The following CELF2 variants were observed in gnomAD, a reference collection of about 807,000 sequenced individuals.
CELF2 encodes CUGBP Elav-like family member 2.
CELF2 carries 8 observed loss-of-function variants against 62.6 expected under a neutral mutation model. The ratio of observed to expected loss-of-function variants is 0.13; its 90% CI spans 0.07 to 0.23. The LOEUF is 0.23. CELF2 is among the 10% of genes least tolerant of loss of function. The probability of loss-of-function intolerance (pLI) is 1.00; values close to 1 mark genes in which losing one functional copy is unlikely to be tolerated. For synonymous variants in CELF2, 258 were observed against 250.0 expected (o/e 1.03, Z -0.30); for missense variants, 333 against 671.0 (o/e 0.50, Z 5.56).
At chr10:10,752,046 T>C in the CELF2 span, among the ~76,000 whole-genome samples, 1 of 152,132 alleles carries the variant, frequency 6.6e-6, no homozygotes, top group Admixed American at 6.5e-5. Flanking sequence ...GAAGGGGAAG[T>C]TTTACCTAAT....
chr10:11,114,528 G>A (rs1054839329), intron 1 of CELF2, among the ~76,000 whole-genome samples: 3 of 152,076 alleles, frequency 2.0e-5, no homozygotes, highest in Non-Finnish European at 4.4e-5. Flanking sequence ...CACTCTCGTC[G>A]AGTCATAAAT....
rs1243145916 is a variant in CELF2, at chr10:11,296,486, C to T, written c.976+7934C>T. Reference sequence around the variant, plus strand: ...TATCACCACTAGCACTGGTGAAAAGCATGTGTTGCTTAATTGTGTTATATT... The same window carrying T: ...TATCACCACTAGCACTGGTGAAAAGTATGTGTTGCTTAATTGTGTTATATT... On this transcript the variant is annotated intron_variant, in intron 9 of 12. Coordinates refer to ENST00000633077, the MANE Select transcript of CELF2 (RefSeq NM_001326342.2). The surrounding 1 kb of genome is among the most constrained non-coding windows in gnomAD (Gnocchi z 5.0). 6.6e-6 allele frequency among the ~76,000 whole-genome samples: 1 copy of T among 152,132 alleles called. No homozygotes were observed. The highest frequency in any genetic ancestry group is 1.5e-5 in the Non-Finnish European group (1 of 68,040).
chr10:10,589,836 G>T, the CELF2 span, among the ~76,000 whole-genome samples: 2 of 152,304 alleles, frequency 1.3e-5, no homozygotes, highest in Admixed American at 1.3e-4. Context: ...CTGACTCTGA[G>T]GTTTATAATC....
the CELF2 span, among the ~76,000 whole-genome samples, chr10:10,539,240 A>G: frequency 1.3e-5 from 2 of 152,264 alleles, no homozygotes; most frequent in Non-Finnish European, 2.9e-5. Context: ...GTAGCAATAC[A>G]TATTCTATGG....
rs541815394 is a variant in CELF2 at position 10,931,746 on chromosome 10, T to C, written c.89+11747T>C. Among the ~76,000 whole-genome samples the C allele has an allele frequency of 1.8e-4, 27 of 152,312 alleles. No homozygotes were observed. Among genetic ancestry groups the C allele is most frequent in the Admixed American group, 7.8e-4 (12 of 15,304 alleles). Reference sequence around the variant, plus strand: ...AACCTTAAAATGAATCTCTTGATAATAGCAATGCATTAGTCTTTTCTCACG... The same window carrying C: ...AACCTTAAAATGAATCTCTTGATAACAGCAATGCATTAGTCTTTTCTCACG... On this transcript the variant is annotated intron_variant, in intron 2 of 13. Transcript: ENST00000636488. The surrounding 1 kb of genome is among the most constrained non-coding windows in gnomAD (Gnocchi z 6.1).
At chr10:10,945,394 C>G (rs1308025398) in intron 2 of CELF2, among the ~76,000 whole-genome samples, 1 of 152,196 alleles carries the variant, frequency 6.6e-6, no homozygotes, top group Admixed American at 6.5e-5. Context: ...CCTATAGGCA[C>G]CATAGCATTT....
chr10:10,924,885 C>CA (rs753272537), intron 2 of CELF2: 6 of 152,154 alleles, frequency 3.9e-5, no homozygotes, highest in Non-Finnish European at 8.8e-5. Flanking sequence ...GTGTGACTGT[C>CA]AGAGACAAAA....
chr10:11,004,597 C>T (rs779519634), upstream of CELF2, among the ~76,000 whole-genome samples: 7 of 152,126 alleles, frequency 4.6e-5, no homozygotes, highest in Non-Finnish European at 7.4e-5. The surrounding 1 kb of genome is among the most constrained non-coding windows in gnomAD (Gnocchi z 5.0). Flanking sequence ...TGGTCTTTTG[C>T]AGATGATGCT....
chr10:10,651,001 C>T, the CELF2 span, among the ~76,000 whole-genome samples: 1 of 151,786 alleles, frequency 6.6e-6, no homozygotes, highest in Non-Finnish European at 1.5e-5. Flanking sequence ...TGGGCGCAGG[C>T]CAGTGGGTGC....
chr10:11,082,078 C>T (rs1833797358), intron 1 of CELF2, among the ~76,000 whole-genome samples: 1 of 152,132 alleles, frequency 6.6e-6, no homozygotes, highest in Non-Finnish European at 1.5e-5. Flanking sequence ...GGCTGCATCC[C>T]TTGCTTCTGT....
At chr10:10,700,484 C>G in the CELF2 span, among the ~76,000 whole-genome samples, 1 of 152,200 alleles carries the variant, frequency 6.6e-6, no homozygotes, top group Non-Finnish European at 1.5e-5. Context: ...TCTCTTCCTG[C>G]TTGCAGCATA....
At chr10:10,944,508 C>T (rs2047426089) in intron 2 of CELF2, among the ~76,000 whole-genome samples, 1 of 152,140 alleles carries the variant, frequency 6.6e-6, no homozygotes, top group Admixed American at 6.5e-5. Context: ...AACTTCATTT[C>T]ATTTAAGAAG....
chr10:11,264,281 T>A (rs528890684), intron 5 of CELF2, among the ~76,000 whole-genome samples: 3 of 152,378 alleles, frequency 2.0e-5, no homozygotes, highest in Admixed American at 6.5e-5. Context: ...ACTAAGTTAC[T>A]TTAAAAAGTT....
chr10:10,801,359 T>A (rs911714887), intron 1 of CELF2, among the ~76,000 whole-genome samples: 2 of 152,252 alleles, frequency 1.3e-5, no homozygotes, highest in Non-Finnish European at 2.9e-5. Context: ...ATTCCTTAAT[T>A]GTTTACAACA....
the CELF2 span, among the ~76,000 whole-genome samples, chr10:10,485,738 G>T: frequency 6.6e-6 from 1 of 152,162 alleles, no homozygotes; most frequent in Admixed American, 6.5e-5. Context: ...TCCTGGGAGG[G>T]TTGCAGTGAT....
At chr10:10,921,586 A>G (rs1292218144) in intron 2 of CELF2, among the ~76,000 whole-genome samples, 2 of 151,462 alleles carry the variant, frequency 1.3e-5, no homozygotes, top group Non-Finnish European at 2.9e-5. Flanking sequence ...TGTTTCCAAA[A>G]GAGAGGAGAA....
chr10:10,984,538 T>C (rs1011538330), intron 2 of CELF2, among the ~76,000 whole-genome samples: 10 of 152,178 alleles, frequency 6.6e-5, no homozygotes, highest in African/African-American at 2.4e-4. Context: ...GTCTAGTGAG[T>C]ATCCTAGAGG....
At chr10:10,973,324 C>T (rs758767144) in intron 2 of CELF2, among the ~76,000 whole-genome samples, 1 of 151,974 alleles carries the variant, frequency 6.6e-6, no homozygotes, top group Non-Finnish European at 1.5e-5. Context: ...GGCAGCAGCA[C>T]ATACTCTTAG....
intron 1 of CELF2, among the ~76,000 whole-genome samples, chr10:11,035,588 G>C (rs2060818216): frequency 6.6e-6 from 1 of 152,184 alleles, no homozygotes; most frequent in East Asian, 1.9e-4. Flanking sequence ...TGGCCCTGGG[G>C]TGCCTAGGTA....
Sources: allele counts gnomAD v4.1 joint callset (sites outside exome capture counted in the v4.1 genomes callset), GRCh38; gene constraint gnomAD v4.1.1; non-coding constraint Gnocchi (gnomAD v3.1); transcripts MANE v1.5; gene names NCBI Gene and HGNC (gene_info 2026-07-23, HGNC 2026-07-21).